The following NEBL variants were observed in gnomAD, a reference collection of about 807,000 sequenced individuals.
NEBL encodes nebulette.
In NEBL, 122 loss-of-function variants were observed where a neutral mutation model predicts 140.2. That is an observed-to-expected ratio of 0.87 (90% CI 0.75 to 1.01). The LOEUF (loss-of-function observed/expected upper bound fraction) is 1.01, where lower values mean the gene tolerates loss of function less well. Among genes scored for constraint, NEBL ranks in the 50% least tolerant of loss-of-function variants. NEBL has a pLI of 0.00. For missense variants in NEBL, 1,365 were observed against 1,231.3 expected (o/e 1.11, Z -1.62); for synonymous variants, 436 against 398.9 (o/e 1.09, Z -1.11).
chr10:20,897,325 C>T, upstream of NEBL: 4 of 1,493,378 alleles, frequency 2.7e-6, no homozygotes, highest in Non-Finnish European at 3.5e-6. Context: ...CTTGCCCAAG[C>T]CTCAGCCCTA....
chr10:21,263,913 C>T (rs1842769097), intron 1 of NEBL, among the ~76,000 whole-genome samples: 1 of 152,150 alleles, frequency 6.6e-6, no homozygotes, highest in Non-Finnish European at 1.5e-5. Context: ...TGCCGTGAGC[C>T]AAGATCACAC....
intron 1 of NEBL, among the ~76,000 whole-genome samples, chr10:21,279,902 AAG>A (rs1842971041): frequency 6.6e-6 from 1 of 152,110 alleles, no homozygotes. Context: ...TGAGCTTTGC[AAG>A]AGTTATAAAA....
chr10:21,102,842 A>G (rs149755451), intron 2 of NEBL, among the ~76,000 whole-genome samples: 25 of 152,220 alleles, frequency 1.6e-4, no homozygotes, highest in African/African-American at 5.8e-4. Flanking sequence ...TTTTATTTTT[A>G]TAGTTCCAGG....
intron 26 of NEBL, among the ~76,000 whole-genome samples, chr10:20,790,014 T>C (rs981738451): frequency 2.0e-5 from 3 of 151,628 alleles, no homozygotes; most frequent in African/African-American, 4.8e-5. Flanking sequence ...TCCTTACTTA[T>C]ATCTGACTTT....
chr10:21,073,238 G>C (rs113465582), intron 2 of NEBL, among the ~76,000 whole-genome samples: 74 of 152,008 alleles, frequency 4.9e-4, no homozygotes, highest in African/African-American at 1.7e-3. Context: ...CAGGGGGATC[G>C]GTTGAGCCCA....
chr10:21,151,919 T>A lies in NEBL; in HGVS notation c.164+20464A>T, dbSNP rs1003004513. ...TTTTACTGATTGTTTGGTTTTGGGT[T>A]TTGTCTGCCTCTTTCCACTAAGAAG... On this transcript the variant is annotated intron_variant, in intron 2 of 6. Transcript: ENST00000417816. Among the ~76,000 whole-genome samples, 6 of 152,306 alleles carry A rather than the reference T, an allele frequency of 3.9e-5. No homozygotes were observed. In the East Asian group the frequency reaches 1.2e-3, roughly 29 times the overall value.
intron 3 of NEBL, among the ~76,000 whole-genome samples, chr10:21,198,397 C>T (rs1841685091): frequency 6.6e-6 from 1 of 152,142 alleles, no homozygotes; most frequent in Non-Finnish European, 1.5e-5. Context: ...CCTTTAAAAT[C>T]CCTCTCTGTG....
intron 2 of NEBL, among the ~76,000 whole-genome samples, chr10:21,102,295 G>A (rs1837513737): frequency 6.6e-6 from 1 of 152,076 alleles, no homozygotes; most frequent in African/African-American, 2.4e-5. Flanking sequence ...ACAATATAAT[G>A]CATATATTTA....
intron 2 of NEBL, among the ~76,000 whole-genome samples, chr10:21,169,067 AATATATATATATATATAT>A (rs1176763018): frequency 0.032 from 740 of 23,114 alleles, 51 homozygotes; most frequent in Non-Finnish European, 0.052. Flanking sequence ...AAAAAAAAAA[AATATATATATATATATAT>A]ATATATATAT....
intron 2 of NEBL, chr10:21,020,275 T>C: frequency 7.6e-7 from 1 of 1,318,888 alleles, no homozygotes; most frequent in Non-Finnish European, 1.1e-6. Context: ...CCCATTGTTT[T>C]GCACATCCCC....
chr10:21,056,422 A>G (rs1305072005), intron 2 of NEBL, among the ~76,000 whole-genome samples: 1 of 150,534 alleles, frequency 6.6e-6, no homozygotes, highest in Non-Finnish European at 1.5e-5. Context: ...AAAAAAAGAT[A>G]GACTGACTGT....
chr10:21,082,535 TAAAAAAAA>T lies in NEBL; in HGVS notation c.165-62342_165-62335del, dbSNP rs61234594. ...AGTTTGAAGTGTTCCCCACCACCACTAAAAAAAAAAAAAAAAAAAAAAAAAAAAAATTA... is the reference window on the plus strand; with the variant it reads ...AGTTTGAAGTGTTCCCCACCACCACTAAAAAAAAAAAAAAAAAAAAAATTA... On this transcript the variant is annotated intron_variant, in intron 2 of 6. Coordinates refer to the NEBL transcript ENST00000417816. Among the ~76,000 whole-genome samples, 915 of 117,258 alleles carry T rather than the reference TAAAAAAAA, an allele frequency of 7.8e-3. 40 individuals are homozygous for T. In the East Asian group the frequency reaches 0.11, roughly 15 times the overall value. The allele number at this position is 117,258 out of a possible 152,430, so 76.9% of individuals were successfully genotyped here.
intron 3 of NEBL, among the ~76,000 whole-genome samples, chr10:21,206,057 C>G (rs940217695): frequency 2.0e-5 from 3 of 152,244 alleles, no homozygotes; most frequent in Non-Finnish European, 4.4e-5. Context: ...AAAGTACAAA[C>G]CTAAGATTGT....
At chr10:21,187,596 C>T (rs886561716) in intron 3 of NEBL, among the ~76,000 whole-genome samples, 2 of 152,036 alleles carry the variant, frequency 1.3e-5, no homozygotes, top group African/African-American at 4.8e-5. Context: ...TCGCTGTAGC[C>T]TCAACCTCCC....
At chr10:20,989,024 A>G (rs1441231076) in intron 3 of NEBL, among the ~76,000 whole-genome samples, 1 of 152,236 alleles carries the variant, frequency 6.6e-6, no homozygotes, top group East Asian at 1.9e-4. Flanking sequence ...TCATAACTAA[A>G]TATTATCAGT....
chr10:20,975,148 T>C (rs901355026), intron 3 of NEBL, among the ~76,000 whole-genome samples: 2 of 152,162 alleles, frequency 1.3e-5, no homozygotes, highest in African/African-American at 2.4e-5. Flanking sequence ...TCCTCTACAA[T>C]AAATACCTCA....
intron 4 of NEBL, among the ~76,000 whole-genome samples, chr10:20,902,952 G>A (rs1847933199): frequency 6.6e-6 from 1 of 152,102 alleles, no homozygotes; most frequent in South Asian, 2.1e-4. Context: ...GTTCCCTTCA[G>A]GACTATACTG....
chr10:20,831,182 C>T lies in NEBL; in HGVS notation c.1671+14G>A, dbSNP rs374488018. ...TGGAATACACGATTCTGAGCATCTT[C>T]ATTCATGACCAACCTGGCTATAGAT... On this transcript the variant is annotated intron_variant, in intron 16 of 27. Transcript: ENST00000377122. 7 of 1,566,670 alleles carry T rather than the reference C, an allele frequency of 4.5e-6. No homozygotes were observed. In the African/African-American group the frequency reaches 8.1e-5, roughly 18 times the overall value.
At chr10:20,796,599 A>G in intron 26 of NEBL, among the ~76,000 whole-genome samples, 1 of 152,178 alleles carries the variant, frequency 6.6e-6, no homozygotes, top group South Asian at 2.1e-4. Context: ...GAGCTAAACC[A>G]TAATATGGTT....
Sources: gnomAD v4.1 joint callset for allele counts (sites outside exome capture counted in the v4.1 genomes callset) on GRCh38, gnomAD v4.1.1 for gene constraint, MANE v1.5 for transcripts, NCBI Gene and HGNC (gene_info 2026-07-23, HGNC 2026-07-21) for gene names.